TTLL11: variants seen among roughly 807,000 people sequenced by gnomAD.
TTLL11 encodes the protein tubulin tyrosine ligase like 11.
Under a neutral mutation model 51.7 loss-of-function variants are expected in TTLL11, and 42 were observed. The ratio of observed to expected loss-of-function variants is 0.81; its 90% confidence interval spans 0.64 to 1.05. The LOEUF is 1.05. Among genes scored for constraint, TTLL11 ranks in the 50% least tolerant of loss-of-function variants. TTLL11 has a pLI of 0.00. For synonymous variants in TTLL11, 381 were observed against 383.5 expected (o/e 0.99, Z 0.08); for missense variants, 799 against 940.4 (o/e 0.85, Z 1.97).
chr9:121,826,509 A>ATG (rs1564260371), intron 8 of TTLL11, among the ~76,000 whole-genome samples: 4 of 49,658 alleles, frequency 8.1e-5, no homozygotes, highest in East Asian at 1.1e-3. Flanking sequence ...GTGTATATAT[A>ATG]TATATGTATA....
At chr9:121,909,312 G>T (rs1246342638) in intron 6 of TTLL11, among the ~76,000 whole-genome samples, 2 of 152,098 alleles carry the variant, frequency 1.3e-5, no homozygotes, top group Admixed American at 1.3e-4. Context: ...CCGCCAGAAG[G>T]TATGCTGAGG....
In TTLL11 at chr9:122,066,614, C is replaced by G. The variant is rs147837988; in HGVS notation, c.462+26073G>C. ...GACATGACTCCCTTTCTCCACTAAG[C>G]TTAGAGAGGCCACAGAATCTCTCAG... On this transcript the variant is annotated intron_variant, in intron 1 of 8. Transcript: ENST00000321582. Among the ~76,000 whole-genome samples, 853 of 152,266 alleles carry G rather than the reference C, an allele frequency of 5.6e-3. 2 individuals carry two copies. Among genetic ancestry groups the G allele is most frequent in the South Asian group, 0.014 (70 of 4,828 alleles).
chr9:121,866,906 C>T (rs759216116), intron 7 of TTLL11, among the ~76,000 whole-genome samples: 1 of 152,148 alleles, frequency 6.6e-6, no homozygotes, highest in Non-Finnish European at 1.5e-5. Context: ...GGAATGATGG[C>T]TGCAGGACCT....
chr9:121,949,679 T>G (rs1241737285), intron 6 of TTLL11, among the ~76,000 whole-genome samples: 1 of 152,046 alleles, frequency 6.6e-6, no homozygotes, highest in Non-Finnish European at 1.5e-5. Context: ...CGGCTCTGCT[T>G]GGGTCCATCA....
intron 6 of TTLL11, among the ~76,000 whole-genome samples, chr9:121,888,609 G>A (rs551367122): frequency 1.3e-5 from 2 of 152,314 alleles, no homozygotes; most frequent in Admixed American, 1.3e-4. Context: ...AGTCCCCTTT[G>A]TAAAACGAAT....
At chr9:121,834,637 G>A (rs1221953584) in intron 8 of TTLL11, among the ~76,000 whole-genome samples, 29 of 152,050 alleles carry the variant, frequency 1.9e-4, no homozygotes, top group Non-Finnish European at 3.8e-4. Context: ...GACCAGTCTG[G>A]CCAACATGGT....
At chr9:122,087,192 T>C (rs1235867025) in intron 1 of TTLL11, among the ~76,000 whole-genome samples, 1 of 151,726 alleles carries the variant, frequency 6.6e-6, no homozygotes, top group Non-Finnish European at 1.5e-5. Flanking sequence ...AAATAAATAA[T>C]GCATAGTAAA....
At chr9:121,838,781 AAAGCAAGCAAGCAAGC>A (rs55715366) in intron 8 of TTLL11, among the ~76,000 whole-genome samples, 2 of 140,002 alleles carry the variant, frequency 1.4e-5, no homozygotes, top group African/African-American at 5.7e-5. Context: ...AGCAAGCAAG[AAAGCAAGCAAGCAAGC>A]AAGCAAGCAA....
intron 1 of TTLL11, among the ~76,000 whole-genome samples, chr9:122,087,214 A>ATT (rs11308678): frequency 4.1e-5 from 6 of 146,564 alleles, no homozygotes; most frequent in African/African-American, 1.5e-4. Flanking sequence ...ACTCAATACA[A>ATT]TTTTTTTTTT....
chr9:122,031,704 G>C lies in TTLL11; in HGVS notation c.693+19C>G. On this transcript the variant is annotated intron_variant, in intron 3 of 8. Coordinates refer to ENST00000321582, the MANE Select transcript of TTLL11 (RefSeq NM_001139442.2). Reference sequence around the variant, plus strand: ...AGCATAATATAATTCAGGGGTCATGGGGACGGAGTGCCATCTACCTGAGCA... The same window carrying C: ...AGCATAATATAATTCAGGGGTCATGCGGACGGAGTGCCATCTACCTGAGCA... 3 of 1,610,936 alleles carry C rather than the reference G, an allele frequency of 1.9e-6. No individual in the cohort carries two copies. Among genetic ancestry groups the C allele is most frequent in the Non-Finnish European group, 1.7e-6 (2 of 1,179,216 alleles).
In TTLL11 at chr9:121,950,881, CT is replaced by C. The variant is rs112484618; in HGVS notation, c.1481+23127del. On this transcript the variant is annotated intron_variant, in intron 6 of 8. Coordinates refer to ENST00000321582, the MANE Select transcript of TTLL11 (RefSeq NM_001139442.2). Reference sequence around the variant, plus strand: ...TGGAGTAAAATGAGGACAATAATACCTTATAGGGTTACGGTAAAAATTAAAC... The same window carrying C: ...TGGAGTAAAATGAGGACAATAATACCTATAGGGTTACGGTAAAAATTAAAC... 6.1e-3 allele frequency among the ~76,000 whole-genome samples: 932 copies of C among 152,270 alleles called. 7 individuals are homozygous for C. Among genetic ancestry groups the C allele is most frequent in the African/African-American group, 0.022 (896 of 41,540 alleles).
chr9:121,913,189 G>A (rs1291409485), intron 6 of TTLL11, among the ~76,000 whole-genome samples: 1 of 152,180 alleles, frequency 6.6e-6, no homozygotes, highest in African/African-American at 2.4e-5. Flanking sequence ...ATTTTCCACA[G>A]CACTAATCTG....
At position 121,822,652 on chromosome 9, in the gene TTLL11, C is replaced by T; in HGVS notation, c.2068G>A (p.Asp690Asn). The T allele has an allele frequency of 2.0e-6, 3 of 1,526,270 alleles. No homozygotes were observed. Among genetic ancestry groups the T allele is most frequent in the Non-Finnish European group, 2.6e-6 (3 of 1,135,936 alleles). 94.5% of individuals were successfully genotyped at this position (1,526,270 alleles called of 1,614,324 possible). A position where few individuals can be genotyped will look rare whatever the true frequency, so the allele number is the denominator to read the frequency against. Residue 690 changes from aspartate to asparagine, a missense_variant, in exon 9 of 9, where the codon GAC becomes AAC. Asp to Asn is a conservative substitution (Grantham distance 23, BLOSUM62 1). Transcript: ENST00000321582. The surrounding 1 kb of genome is among the most constrained non-coding windows in gnomAD (Gnocchi z 5.8). ...CAGCTGGTGCGGGGTGGGGGGTTGT[C>T]CCCTGCTGGCTGGGCCGAGGGGGAG... ...EPSPSAQPAG[D>N]NPPPRTSCAN...
intron 8 of TTLL11, among the ~76,000 whole-genome samples, chr9:121,860,024 C>A (rs1837956116): frequency 6.6e-6 from 1 of 152,196 alleles, no homozygotes; most frequent in African/African-American, 2.4e-5. Flanking sequence ...CCCTCCAGCC[C>A]ACCCAAGGCT....
intron 3 of TTLL11, among the ~76,000 whole-genome samples, chr9:122,008,813 T>C (rs1843723808): frequency 6.6e-6 from 1 of 152,170 alleles, no homozygotes. Context: ...CGCGGGTGAA[T>C]GAATGAAGAA....
intron 3 of TTLL11, among the ~76,000 whole-genome samples, chr9:122,020,548 G>T (rs1009202622): frequency 6.6e-6 from 1 of 152,240 alleles, no homozygotes; most frequent in Non-Finnish European, 1.5e-5. Context: ...ATGAATAATA[G>T]AAGAATCCTG....
intron 3 of TTLL11, among the ~76,000 whole-genome samples, chr9:122,030,057 G>T (rs933024398): frequency 6.6e-6 from 1 of 152,062 alleles, no homozygotes; most frequent in Non-Finnish European, 1.5e-5. Context: ...TATGGTGTTG[G>T]CACAATGATG....
chr9:122,068,971 A>G (rs911695635), intron 1 of TTLL11, among the ~76,000 whole-genome samples: 15 of 152,174 alleles, frequency 9.9e-5, no homozygotes, highest in Non-Finnish European at 2.1e-4. Flanking sequence ...CCACAGATGG[A>G]CGGATCTTGC....
intron 6 of TTLL11, among the ~76,000 whole-genome samples, chr9:121,937,169 A>G (rs1841264226): frequency 6.6e-6 from 1 of 152,244 alleles, no homozygotes; most frequent in African/African-American, 2.4e-5. Flanking sequence ...AGTGGTAACA[A>G]TAATCTATCT....
Sources: allele counts gnomAD v4.1 joint callset (sites outside exome capture counted in the v4.1 genomes callset), GRCh38; gene constraint gnomAD v4.1.1; non-coding constraint Gnocchi (gnomAD v3.1); transcripts MANE v1.5; gene names NCBI Gene and HGNC (gene_info 2026-07-23, HGNC 2026-07-21).